The following ZNF383 variants were observed in gnomAD, a reference collection of about 807,000 sequenced individuals.
ZNF383 encodes zinc finger protein 383.
ZNF383 carries 32 observed loss-of-function variants against 44.2 expected under a neutral mutation model. The observed-to-expected ratio is 0.72, with a 90% confidence interval of 0.55 to 0.97. ZNF383 has a LOEUF of 0.97. Ranked by LOEUF, ZNF383 falls within the 50% of genes least tolerant of loss-of-function variation. The pLI, the probability that ZNF383 is intolerant of heterozygous loss-of-function variation, is 0.00. For missense variants in ZNF383, 487 were observed against 562.5 expected, an observed-to-expected ratio of 0.87 and a Z score of 1.36; for synonymous variants, 155 against 186.2, an observed-to-expected ratio of 0.83 and a Z score of 1.36.
At chr19:37,238,383 TTAA>T (rs1490247177) in intron 5 of ZNF383, among the ~76,000 whole-genome samples, 2 of 150,604 alleles carry the variant, frequency 1.3e-5, no homozygotes, top group Non-Finnish European at 3.0e-5. Context: ...ATATCATATA[TTAA>T]TAATATTTCT....
chr19:37,232,721 T>C (rs553504672), intron 3 of ZNF383, among the ~76,000 whole-genome samples: 3 of 152,338 alleles, frequency 2.0e-5, no homozygotes, highest in East Asian at 3.9e-4. Context: ...ACAGTTCATA[T>C]AGGAAAGAAG....
chr19:37,222,775 A>G (rs1599779821), intron 1 of ZNF383, among the ~76,000 whole-genome samples: 1 of 152,076 alleles, frequency 6.6e-6, no homozygotes, highest in Non-Finnish European at 1.5e-5. Context: ...ATTCTTTTAC[A>G]TGTCTTTTGG....
chr19:37,225,957 C>CTTTT (rs35639012), intron 2 of ZNF383, among the ~76,000 whole-genome samples: 1 of 138,084 alleles, frequency 7.2e-6, no homozygotes, highest in Non-Finnish European at 1.6e-5. Context: ...GTCTAACTAA[C>CTTTT]TTTTTTTTTT....
chr19:37,244,599 A>G lies in ZNF383; in HGVS notation c.*935A>G, dbSNP rs1258172093. On this transcript the variant is annotated 3_prime_UTR_variant, in exon 6 of 6. Coordinates refer to ENST00000684119, the MANE Select transcript of ZNF383 (RefSeq NM_001387601.1). Reference sequence around the variant, plus strand: ...TCACCATGTTAGCCAGGATGGTCTCAATCTCCCGACTTCAGGTGATCCACC... The same window carrying G: ...TCACCATGTTAGCCAGGATGGTCTCGATCTCCCGACTTCAGGTGATCCACC... The G allele has an allele frequency of 6.6e-6, 1 of 150,444 alleles. No individual in the cohort carries two copies. Among genetic ancestry groups the G allele is most frequent in the South Asian group, 2.1e-4 (1 of 4,724 alleles). The allele number at this position is 150,444 out of a possible 1,614,324, so 9.3% of individuals were successfully genotyped here.
At chr19:37,239,438 T>C (rs986112585) in intron 5 of ZNF383, among the ~76,000 whole-genome samples, 1 of 152,202 alleles carries the variant, frequency 6.6e-6, no homozygotes, top group Non-Finnish European at 1.5e-5. Flanking sequence ...AGTACTAGGC[T>C]TGCCACTAGG....
chr19:37,224,456 G>A (rs975387711), intron 1 of ZNF383, among the ~76,000 whole-genome samples: 1 of 152,138 alleles, frequency 6.6e-6, no homozygotes, highest in Non-Finnish European at 1.5e-5. Flanking sequence ...CTGGGACTTG[G>A]TTCCACAAAA....
At chr19:37,228,283 G>A (rs972811823) in intron 2 of ZNF383, among the ~76,000 whole-genome samples, 1 of 152,086 alleles carries the variant, frequency 6.6e-6, no homozygotes, top group East Asian at 1.9e-4. Flanking sequence ...ACTTTTTATC[G>A]TGTCCCTTTA....
chr19:37,233,955 C>T lies in ZNF383; in HGVS notation c.10-1594C>T, dbSNP rs61047901. 8.9e-3 allele frequency among the ~76,000 whole-genome samples: 1,360 copies of T among 152,138 alleles called. 21 individuals carry two copies. The highest frequency in any genetic ancestry group is 0.031 in the African/African-American group (1,303 of 41,500). ...TCTCTGCTCACTGCAACCTCCACCT[C>T]CCAGGTTCAAGCGATTCTCCTGCCT... On this transcript the variant is annotated intron_variant, in intron 3 of 5. Coordinates refer to ENST00000684119, the MANE Select transcript of ZNF383 (RefSeq NM_001387601.1).
At chr19:37,228,344 G>A (rs1407492104) in intron 2 of ZNF383, among the ~76,000 whole-genome samples, 1 of 151,508 alleles carries the variant, frequency 6.6e-6, no homozygotes, top group Admixed American at 6.6e-5. Flanking sequence ...GTATGGCTTG[G>A]GTTTTTTTAG....
chr19:37,231,533 T>A (rs1345676080), intron 3 of ZNF383, among the ~76,000 whole-genome samples: 2 of 152,090 alleles, frequency 1.3e-5, no homozygotes, highest in Non-Finnish European at 2.9e-5. Flanking sequence ...ATAAATAAAA[T>A]AACTTTACAT....
chr19:37,237,186 A>ATTTGGATTT (rs1973857343), intron 5 of ZNF383, among the ~76,000 whole-genome samples: 1 of 152,180 alleles, frequency 6.6e-6, no homozygotes, highest in Admixed American at 6.6e-5. Context: ...CAAGGTCCAA[A>ATTTGGATTT]AGTGGTGCTA....
intron 1 of ZNF383, among the ~76,000 whole-genome samples, chr19:37,222,578 A>G (rs1404375420): frequency 6.6e-6 from 1 of 152,226 alleles, no homozygotes; most frequent in South Asian, 2.1e-4. Flanking sequence ...GGGTTTCACC[A>G]TGTTAGCCAG....
chr19:37,228,031 C>T (rs1973267615), intron 2 of ZNF383, among the ~76,000 whole-genome samples: 1 of 150,444 alleles, frequency 6.6e-6, no homozygotes, highest in Admixed American at 6.6e-5. Context: ...GCCTGACTAA[C>T]GTCAGGCGTT....
intron 2 of ZNF383, 31 bp from the exon 3 acceptor site, chr19:37,230,378 C>G (rs572696529): frequency 1.3e-6 from 2 of 1,514,418 alleles, no homozygotes; most frequent in Admixed American, 1.7e-5. Flanking sequence ...CTTCCCCAGT[C>G]ATGCAACCTC....
Position 37,246,817 on chromosome 19 carries a change from A to G in ZNF383, c.*3153A>G, listed in dbSNP as rs1161114584. ...CAAAATAAAAAATAAACGGTTACCA[A>G]TCTGAAACCCTGAAAATATGATGAG... On this transcript the variant is annotated 3_prime_UTR_variant, in exon 6 of 6. Coordinates refer to ENST00000684119, the MANE Select transcript of ZNF383 (RefSeq NM_001387601.1). 2 of 152,022 alleles carry G rather than the reference A, an allele frequency of 1.3e-5. No individual in the cohort carries two copies. Among genetic ancestry groups the G allele is most frequent in the Admixed American group, 6.6e-5 (1 of 15,230 alleles). The allele number at this position is 152,022 out of a possible 1,614,324, so 9.4% of individuals were successfully genotyped here. A position where few individuals can be genotyped will look rare whatever the true frequency, so the allele number is the denominator to read the frequency against.
intron 5 of ZNF383, among the ~76,000 whole-genome samples, chr19:37,242,219 G>T (rs1974151801): frequency 6.8e-6 from 1 of 147,818 alleles, no homozygotes; most frequent in African/African-American, 2.5e-5. Flanking sequence ...AGTTGATTCT[G>T]ATCCACATCC....
intron 2 of ZNF383, chr19:37,227,767 C>G (rs1973253565): frequency 1.3e-5 from 2 of 152,296 alleles, no homozygotes; most frequent in Non-Finnish European, 2.9e-5. Flanking sequence ...AGTCACGTGT[C>G]CACCAGACAG....
Position 37,246,840 on chromosome 19 carries a change from G to A in ZNF383, c.*3176G>A. 1 of 151,884 alleles carries A rather than the reference G, an allele frequency of 6.6e-6. No individual in the cohort carries two copies. Among genetic ancestry groups the A allele is most frequent in the Non-Finnish European group, 1.5e-5 (1 of 67,986 alleles). 9.4% of individuals were successfully genotyped at this position (151,884 alleles called of 1,614,324 possible). A position where few individuals can be genotyped will look rare whatever the true frequency, so the allele number is the denominator to read the frequency against. ...CAATCTGAAACCCTGAAAATATGAT[G>A]AGTAGTAGAAAGCACAGCTGTCAAA... is the stretch of plus-strand genomic sequence containing the variant. On this transcript the variant is annotated 3_prime_UTR_variant, in exon 6 of 6. Coordinates refer to ENST00000684119, the MANE Select transcript of ZNF383 (RefSeq NM_001387601.1).
In ZNF383 at chr19:37,235,990, C is replaced by T. The variant is rs771896393; in HGVS notation, c.148C>T (p.Pro50Ser). ...TTTCTCGTGAGCAGGACTTTACACT[C>T]CTAAGCCTCAAGTGATCTCCTTATT... Reference protein sequence around the residue: ...GNLVSMGLYTPKPQVISLLEQ... With the variant: ...GNLVSMGLYTSKPQVISLLEQ... The change falls in exon 5 of 6, where the codon CCT becomes TCT. Residue 50 changes from proline to serine, a missense_variant. Transcript: ENST00000684119. 7.4e-6 allele frequency: 12 copies of T among 1,613,318 alleles called. No homozygotes were observed. Among genetic ancestry groups the T allele is most frequent in the Admixed American group, 6.7e-5 (4 of 59,876 alleles).
Sources: allele counts gnomAD v4.1 joint callset (sites outside exome capture counted in the v4.1 genomes callset), GRCh38; gene constraint gnomAD v4.1.1; transcripts MANE v1.5; gene names NCBI Gene and HGNC (gene_info 2026-07-23, HGNC 2026-07-21).